The following TOGARAM1 variants were observed in gnomAD, a reference collection of about 807,000 sequenced individuals.
The protein encoded by TOGARAM1 is TOG array regulator of axonemal microtubules protein 1.
In TOGARAM1, 100 loss-of-function variants were observed where a neutral mutation model predicts 166.6. The observed-to-expected ratio is 0.60, with a 90% CI of 0.51 to 0.71. The LOEUF (loss-of-function observed/expected upper bound fraction) is 0.71, where lower values mean the gene tolerates loss of function less well. Among genes scored for constraint, TOGARAM1 ranks in the 30% least tolerant of loss-of-function variants. The pLI, the probability that TOGARAM1 is intolerant of heterozygous loss-of-function variation, is 0.00. For missense variants in TOGARAM1, 2,029 were observed against 2,102.7 expected (o/e 0.96, Z 0.69); for synonymous variants, 758 against 763.8 (o/e 0.99, Z 0.13).
chr14:45,056,783 A>G (rs931581290), intron 16 of TOGARAM1, among the ~76,000 whole-genome samples: 1 of 152,030 alleles, frequency 6.6e-6, no homozygotes, highest in East Asian at 1.9e-4. Context: ...GGATTTTTAC[A>G]TCTATATTTT....
At chr14:45,041,132 G>C (rs906685526) in intron 11 of TOGARAM1, among the ~76,000 whole-genome samples, 3 of 152,028 alleles carry the variant, frequency 2.0e-5, no homozygotes, top group Admixed American at 1.3e-4. Context: ...GCCAGGAGTG[G>C]TGGCTCACGC....
chr14:44,984,780 A>G (rs1886704544), intron 1 of TOGARAM1, among the ~76,000 whole-genome samples: 1 of 151,848 alleles, frequency 6.6e-6, no homozygotes, highest in Admixed American at 6.6e-5. Context: ...ATCTCTAAAA[A>G]AAATAAAAAT....
rs77644097 is a variant in TOGARAM1 at position 44,995,662 on chromosome 14, A to G, written c.2047-84A>G. ...TAAAATTTATTCTAACCTGAATTTC[A>G]TAATTGGATCTAAGTTATTTTGTCA... On this transcript the variant is annotated intron_variant, in intron 1 of 19. Transcript: ENST00000361462. 4.4e-4 allele frequency: 421 copies of G among 947,938 alleles called. 2 individuals carry two copies. In the East Asian group the frequency reaches 0.011, roughly 24 times the overall value. 58.7% of individuals were successfully genotyped at this position (947,938 alleles called of 1,614,324 possible). A position where few individuals can be genotyped will look rare whatever the true frequency, so the allele number is the denominator to read the frequency against.
intron 1 of TOGARAM1, among the ~76,000 whole-genome samples, chr14:44,993,881 C>T (rs1887273105): frequency 6.6e-6 from 1 of 152,160 alleles, no homozygotes; most frequent in African/African-American, 2.4e-5. Flanking sequence ...AAATTAATCA[C>T]AAAGTAAATC....
intron 2 of TOGARAM1, among the ~76,000 whole-genome samples, 198 bp from the exon 3 acceptor site, chr14:44,999,165 T>C (rs2138820675): frequency 6.6e-6 from 1 of 152,336 alleles, no homozygotes; most frequent in Non-Finnish European, 1.5e-5. Context: ...CTAGTCTGTC[T>C]TCTGTCCTTT....
Position 45,073,480 on chromosome 14 carries a change from A to T in TOGARAM1, c.5241A>T (p.Leu1747Phe), listed in dbSNP as rs1400493497. The change falls in exon 20 of 20, where the codon TTA (leucine) becomes TTT (phenylalanine). Residue 1747 changes from leucine to phenylalanine, a missense_variant. Leu to Phe is a conservative substitution (Grantham distance 22, BLOSUM62 0). Around this residue, in one of 2 missense-constraint regions of TOGARAM1, gnomAD observed 576 missense variants for 670.5 expected, o/e 0.86. Coordinates refer to ENST00000361462, the MANE Select transcript of TOGARAM1 (RefSeq NM_001308120.2). The part of the protein sequence containing the change: ...ALFAQMGQNL[L>F]NQAASQPPHI... ...TTGCACAGATGGGTCAGAATCTGTTAAATCAGGCTGCATCTCAACCACCAC... is the reference window on the plus strand; with the variant it reads ...TTGCACAGATGGGTCAGAATCTGTTTAATCAGGCTGCATCTCAACCACCAC... The T allele has an allele frequency of 1.9e-6, 3 of 1,614,158 alleles. No individual in the cohort carries two copies. Among genetic ancestry groups the T allele is most frequent in the Non-Finnish European group, 2.5e-6 (3 of 1,180,006 alleles).
intron 11 of TOGARAM1, among the ~76,000 whole-genome samples, chr14:45,033,806 C>T (rs1264388555): frequency 6.6e-6 from 1 of 152,146 alleles, no homozygotes; most frequent in Non-Finnish European, 1.5e-5. Context: ...CATGGATTAA[C>T]AGGACTGTAT....
intron 1 of TOGARAM1, among the ~76,000 whole-genome samples, chr14:44,988,180 A>C (rs1276733660): frequency 6.6e-6 from 1 of 151,972 alleles, no homozygotes; most frequent in Non-Finnish European, 1.5e-5. Flanking sequence ...GGTGCAGCAC[A>C]CCAACATGGC....
chr14:45,004,104 T>C lies in TOGARAM1; in HGVS notation c.2382T>C (p.Phe794=), dbSNP rs746427722. Residue 794 remains phenylalanine (F), a synonymous_variant, in exon 4 of 20, where the codon TTT becomes TTC. Coordinates refer to ENST00000361462, the MANE Select transcript of TOGARAM1 (RefSeq NM_001308120.2). ...LNFGSKTQQT[F]GSQTECTSSN... is the part of the protein sequence containing the mutation. Reference sequence around the variant, plus strand: ...TTGGCAGTAAGACACAGCAAACATTTGGTAGTCAAACAGAGTGTACTTCCT... The same window carrying C: ...TTGGCAGTAAGACACAGCAAACATTCGGTAGTCAAACAGAGTGTACTTCCT... 8.1e-6 allele frequency: 13 copies of C among 1,614,100 alleles called. No individual in the cohort carries two copies. In the Admixed American group the frequency reaches 1.3e-4, roughly 17 times the overall value.
At chr14:45,073,197 TA>T (rs1883457513) in intron 19 of TOGARAM1, 98 bp from the exon 20 acceptor site, 2 of 1,176,506 alleles carry the variant, frequency 1.7e-6, no homozygotes, top group East Asian at 2.6e-5. Context: ...ACAAATTACA[TA>T]AGGAAGAAGC....
At chr14:44,990,047 C>T (rs775903276) in intron 1 of TOGARAM1, among the ~76,000 whole-genome samples, 2 of 152,184 alleles carry the variant, frequency 1.3e-5, no homozygotes, top group Non-Finnish European at 2.9e-5. Context: ...CCCCATGATC[C>T]AGTCACCTCC....
chr14:45,071,662 T>G (rs754421554), intron 18 of TOGARAM1, 50 bp from the exon 19 acceptor site: 3 of 1,289,760 alleles, frequency 2.3e-6, no homozygotes, highest in Non-Finnish European at 2.2e-6. Context: ...GGAAAGTAAC[T>G]AAGAGCTCAT....
Position 44,963,938 on chromosome 14 carries a change from T to A in TOGARAM1, c.1517T>A (p.Phe506Tyr). ...CTGCTGACCTATCCTAGTGAGGATT[T>A]TGACTTGCCCAAACTGTCCTTTGAT... is the stretch of plus-strand genomic sequence containing the variant. ...CSLLTYPSED[F>Y]DLPKLSFDLA... The change falls in exon 1 of 20, where the codon TTT becomes TAT. Residue 506 changes from phenylalanine to tyrosine, a missense_variant. Physicochemically the swap from Phe to Tyr is conservative, Grantham distance 22. Around this residue, in one of 2 missense-constraint regions of TOGARAM1, gnomAD observed 1,453 missense variants for 1,432.2 expected, o/e 1.01. Transcript: ENST00000361462. 6.2e-7 allele frequency: 1 copy of A among 1,614,058 alleles called. No homozygotes were observed. Among genetic ancestry groups the A allele is most frequent in the Non-Finnish European group, 8.5e-7 (1 of 1,179,924 alleles).
At position 45,044,661 on chromosome 14, in the gene TOGARAM1, T is replaced by C; in HGVS notation, c.3945T>C (p.Ser1315=). The change falls in exon 13 of 20, where the codon TCT becomes TCC. Residue 1315 remains serine (S), a synonymous_variant. Coordinates refer to ENST00000361462, the MANE Select transcript of TOGARAM1 (RefSeq NM_001308120.2). The part of the protein sequence containing the change: ...QEVKNLRSGV[S]RAAVVCLSDL... ...TGAAAAATTTACGTTCTGGAGTTTC[T>C]CGTGCTGCTGTGGTCTGTTTAAGTG... is the stretch of plus-strand genomic sequence containing the variant. 1 of 1,604,488 alleles carries C rather than the reference T, an allele frequency of 6.2e-7. No homozygotes were observed. Among genetic ancestry groups the C allele is most frequent in the Non-Finnish European group, 8.5e-7 (1 of 1,176,508 alleles).
chr14:45,016,516 A>G (rs984183752), intron 7 of TOGARAM1, among the ~76,000 whole-genome samples: 1 of 152,164 alleles, frequency 6.6e-6, no homozygotes, highest in African/African-American at 2.4e-5. Context: ...ACCGTGCTCA[A>G]TTACAGGAGT....
At chr14:44,992,100 AACCAAACC>A (rs1887172228) in intron 1 of TOGARAM1, among the ~76,000 whole-genome samples, 1 of 143,364 alleles carries the variant, frequency 7.0e-6, no homozygotes, top group Non-Finnish European at 1.5e-5. Context: ...AAAAAAAAAA[AACCAAACC>A]AAAAAAAAAA....
At chr14:45,003,356 A>G (rs1887775793) in intron 3 of TOGARAM1, among the ~76,000 whole-genome samples, 1 of 152,134 alleles carries the variant, frequency 6.6e-6, no homozygotes, top group Non-Finnish European at 1.5e-5. Flanking sequence ...GACTTTTTAT[A>G]TTCGTTGAAG....
intron 1 of TOGARAM1, among the ~76,000 whole-genome samples, chr14:44,965,031 AAGCT>A (rs2138707358): frequency 6.6e-6 from 1 of 151,986 alleles, no homozygotes; most frequent in East Asian, 1.9e-4. Context: ...TTTCCCCCCA[AAGCT>A]TTTATTTAAA....
chr14:44,979,614 C>G (rs892462908), intron 1 of TOGARAM1, among the ~76,000 whole-genome samples: 6 of 152,224 alleles, frequency 3.9e-5, no homozygotes, highest in Admixed American at 1.3e-4. Context: ...ATTCTATACA[C>G]AAAGGTTAAA....
Sources: allele counts gnomAD v4.1 joint callset (sites outside exome capture counted in the v4.1 genomes callset), GRCh38; gene constraint gnomAD v4.1.1; regional missense constraint gnomAD v4.1.1; transcripts MANE v1.5; gene names NCBI Gene and HGNC (gene_info 2026-07-23, HGNC 2026-07-21).